The following CORO2B variants were observed in gnomAD, a reference collection of about 807,000 sequenced individuals.
CORO2B encodes the protein coronin 2B.
Under a neutral mutation model 58.8 loss-of-function variants are expected in CORO2B, and 26 were observed. The observed-to-expected ratio is 0.44, with a 90% CI of 0.32 to 0.61. CORO2B has a LOEUF of 0.61. Among genes scored for constraint, CORO2B ranks in the 20% least tolerant of loss-of-function variants. The pLI is 0.04. For synonymous variants in CORO2B, 242 were observed against 253.8 expected, an observed-to-expected ratio of 0.95 and a Z score of 0.44; for missense variants, 460 against 645.1, an observed-to-expected ratio of 0.71 and a Z score of 3.11.
At chr15:68,521,394 T>C in the CORO2B span, among the ~76,000 whole-genome samples, 1 of 152,246 alleles carries the variant, frequency 6.6e-6, no homozygotes. Context: ...CTCATTCCCC[T>C]ACTTTTTGTG....
chr15:68,681,590 CT>C (rs1902788156), intron 2 of CORO2B, among the ~76,000 whole-genome samples: 1 of 152,072 alleles, frequency 6.6e-6, no homozygotes, highest in African/African-American at 2.4e-5. Context: ...GTCTGTCACA[CT>C]TGAGAAGTGT....
rs546617065 is a variant in CORO2B, at chr15:68,701,211, C to A, written c.333+5955C>A. On this transcript the variant is annotated intron_variant, in intron 3 of 11. Transcript: ENST00000261861. ...ACAGAGAAAGCAGCAGTATGGCTCC[C>A]TGGCTAAGCAGCCAGGCTCAGGAGT... 2.0e-4 allele frequency among the ~76,000 whole-genome samples: 30 copies of A among 152,216 alleles called. No homozygotes were observed. In the South Asian group the frequency reaches 6.0e-3, roughly 31 times the overall value.
intron 1 of CORO2B, among the ~76,000 whole-genome samples, chr15:68,621,494 T>G (rs887953880): frequency 1.3e-5 from 2 of 152,190 alleles, no homozygotes; most frequent in African/African-American, 4.8e-5. Context: ...AAAGGGGACC[T>G]GCCCAGGGTT....
the CORO2B span, among the ~76,000 whole-genome samples, chr15:68,530,106 C>T: frequency 0.01 from 1,573 of 152,204 alleles, 15 homozygotes; most frequent in Non-Finnish European, 0.017. Context: ...GGGTGGATCA[C>T]GAGGTCAGGA....
the CORO2B span, among the ~76,000 whole-genome samples, chr15:68,541,053 A>G: frequency 6.6e-6 from 1 of 152,114 alleles, no homozygotes; most frequent in East Asian, 1.9e-4. Context: ...AATATTGTAA[A>G]ACCCCATCTC....
intron 3 of CORO2B, among the ~76,000 whole-genome samples, chr15:68,706,071 C>G (rs1228715358): frequency 6.6e-6 from 1 of 151,858 alleles, no homozygotes; most frequent in Non-Finnish European, 1.5e-5. Context: ...TCTTCTGAGA[C>G]TCTGGGCCCA....
chr15:68,658,279 G>T (rs1347889235), intron 2 of CORO2B, among the ~76,000 whole-genome samples: 1 of 143,962 alleles, frequency 6.9e-6, no homozygotes, highest in Admixed American at 7.1e-5. Flanking sequence ...GGGCCAGGCT[G>T]GCCAGCTCCC....
At chr15:68,694,950 C>T (rs139756369) in intron 2 of CORO2B, among the ~76,000 whole-genome samples, 190 bp from the exon 3 acceptor site, 1 of 152,300 alleles carries the variant, frequency 6.6e-6, no homozygotes, top group African/African-American at 2.4e-5. Flanking sequence ...TTGGGGAGGA[C>T]ACAGCTGCAG....
At chr15:68,627,256 G>A (rs1900708353) in intron 1 of CORO2B, among the ~76,000 whole-genome samples, 1 of 152,152 alleles carries the variant, frequency 6.6e-6, no homozygotes, top group Non-Finnish European at 1.5e-5. Flanking sequence ...TCGTATGAGG[G>A]ATTCAGAAAT....
intron 1 of CORO2B, chr15:68,641,443 G>T (rs11636563): frequency 0.21 from 165,304 of 783,280 alleles, 18,620 homozygotes; most frequent in Non-Finnish European, 0.23. Flanking sequence ...ATTTGGGGGA[G>T]AGAGGAAAGA....
intron 1 of CORO2B, among the ~76,000 whole-genome samples, chr15:68,605,262 A>G (rs111297244): frequency 2.0e-5 from 3 of 152,348 alleles, no homozygotes; most frequent in African/African-American, 7.2e-5. Context: ...ACCCATTTGG[A>G]GAGCAATTTG....
chr15:68,697,802 G>T (rs1429210318), intron 3 of CORO2B, among the ~76,000 whole-genome samples: 1 of 152,232 alleles, frequency 6.6e-6, no homozygotes. Flanking sequence ...AGAGGCACAG[G>T]AGCTGGTGGA....
At chr15:68,529,836 G>A in the CORO2B span, among the ~76,000 whole-genome samples, 1 of 152,052 alleles carries the variant, frequency 6.6e-6, no homozygotes, top group Non-Finnish European at 1.5e-5. Flanking sequence ...CACAAATTTT[G>A]TTATGTAGAA....
At chr15:68,542,449 G>A in the CORO2B span, among the ~76,000 whole-genome samples, 1 of 152,222 alleles carries the variant, frequency 6.6e-6, no homozygotes, top group African/African-American at 2.4e-5. Context: ...GAATCTCTAA[G>A]AGAATACTGC....
chr15:68,599,642 G>A (rs1333304544), intron 1 of CORO2B, among the ~76,000 whole-genome samples: 1 of 152,072 alleles, frequency 6.6e-6, no homozygotes, highest in African/African-American at 2.4e-5. Flanking sequence ...TTGCCCTTGA[G>A]GAATTCTAAA....
chr15:68,680,562 T>C (rs1037474030), intron 2 of CORO2B, among the ~76,000 whole-genome samples: 1 of 152,196 alleles, frequency 6.6e-6, no homozygotes, highest in Non-Finnish European at 1.5e-5. Context: ...GTCCACCGTC[T>C]ATGGCATCAT....
the CORO2B span, among the ~76,000 whole-genome samples, chr15:68,568,251 C>T: frequency 1.3e-5 from 2 of 152,138 alleles, no homozygotes; most frequent in Non-Finnish European, 2.9e-5. Flanking sequence ...TCTCCCTTCC[C>T]TGCACTGCCC....
At position 68,660,517 on chromosome 15, in the gene CORO2B, T is replaced by C. The variant is rs182230024; in HGVS notation, c.216+15157T>C. Among the ~76,000 whole-genome samples the C allele has an allele frequency of 1.4e-3, 210 of 152,248 alleles. 3 individuals carry two copies. Among genetic ancestry groups the C allele is most frequent in the Non-Finnish European group, 3.4e-4 (23 of 68,010 alleles). ...TCCCAAGTAGCTGGGACTTCAGGTG[T>C]GCACCACCACACCTGGCTAATTTTT... On this transcript the variant is annotated intron_variant, in intron 2 of 11. Transcript: ENST00000261861.
At chr15:68,566,489 G>T in the CORO2B span, among the ~76,000 whole-genome samples, 1 of 152,144 alleles carries the variant, frequency 6.6e-6, no homozygotes, top group South Asian at 2.1e-4. Context: ...AGAGGTGCCT[G>T]CAGGGATGCT....
Sources: gnomAD v4.1 joint callset for allele counts (sites outside exome capture counted in the v4.1 genomes callset) on GRCh38, gnomAD v4.1.1 for gene constraint, MANE v1.5 for transcripts, NCBI Gene and HGNC (gene_info 2026-07-23, HGNC 2026-07-21) for gene names.